Variants in AGRN observed in about 807,000 individuals in gnomAD.
AGRN encodes agrin, also known as agrin proteoglycan.
A neutral mutation model predicts 211.0 loss-of-function variants in AGRN; 106 were observed. The observed-to-expected ratio is 0.50, with a 90% CI of 0.43 to 0.59. The LOEUF is 0.59. Ranked by LOEUF, AGRN falls within the 20% of genes least tolerant of loss-of-function variation. AGRN has a pLI of 0.00. For missense variants in AGRN, 3,040 were observed against 2,982.6 expected (o/e 1.02, Z -0.45); for synonymous variants, 1,525 against 1,332.5 (o/e 1.14, Z -3.15).
In AGRN at chr1:1,043,715, C is replaced by A. The variant is rs751566415; in HGVS notation, c.1781C>A (p.Ala594Asp). 6.2e-7 allele frequency: 1 copy of A among 1,600,782 alleles called. No homozygotes were observed. The highest frequency in any genetic ancestry group is 1.3e-5 in the African/African-American group (1 of 74,920). The change falls in exon 9 of 36, where the codon GCC becomes GAC. Residue 594 changes from alanine to aspartate, a missense_variant. By Grantham distance (126) the Ala-to-Asp change is moderately radical. Around this residue, in one of 3 missense-constraint regions of AGRN, gnomAD observed 1,498 missense variants for 1,457.8 expected, o/e 1.03. Transcript: ENST00000379370. ...ACACACCAGATCAGCCTGCACGTGG[C>A]CTCAGCTGGACCCTGTGGTGAGTGA... ...ACTHQISLHVASAGPCETCGD... is the reference protein window; with the variant it reads ...ACTHQISLHVDSAGPCETCGD...
chr1:1,048,767 C>CAA lies in AGRN; in HGVS notation c.4106-79_4106-78dup, dbSNP rs57668569. ...GGGCAAAAAGAGCAAAACTCCGTCTCAAAAAAAAAAAAAAAAAAAAAAGCA... is the reference window on the plus strand; with the variant it reads ...GGGCAAAAAGAGCAAAACTCCGTCTCAAAAAAAAAAAAAAAAAAAAAAAAGCA... On this transcript the variant is annotated intron_variant, in intron 23 of 35. Transcript: ENST00000379370. This position sits in a 1 kb window ranked among gnomAD's most constrained non-coding sequence, Gnocchi z 5.9. 3.1e-3 allele frequency: 3,284 copies of CAA among 1,072,678 alleles called. No individual in the cohort carries two copies. The highest frequency in any genetic ancestry group is 4.6e-3 in the South Asian group (261 of 56,824). The allele number at this position is 1,072,678 out of a possible 1,614,324, so 66.4% of individuals were successfully genotyped here. A position where few individuals can be genotyped will look rare whatever the true frequency, so the allele number is the denominator to read the frequency against.
At position 1,048,484 on chromosome 1, in the gene AGRN, G is replaced by A; in HGVS notation, c.4105+119G>A. Reference sequence around the variant, plus strand: ...GGGCAGGAGCCCGGATTAAGGCGGGGTTTCGGCCAGATGCGGTGGCTCACG... The same window carrying A: ...GGGCAGGAGCCCGGATTAAGGCGGGATTTCGGCCAGATGCGGTGGCTCACG... On this transcript the variant is annotated intron_variant, in intron 23 of 35. Transcript: ENST00000379370. The surrounding 1 kb of genome is among the most constrained non-coding windows in gnomAD (Gnocchi z 5.9). The A allele has an allele frequency of 1.1e-6, 1 of 917,556 alleles. No individual in the cohort carries two copies. Among genetic ancestry groups the A allele is most frequent in the Admixed American group, 3.0e-5 (1 of 32,932 alleles). The allele number at this position is 917,556 out of a possible 1,614,324, so 56.8% of individuals were successfully genotyped here. A position where few individuals can be genotyped will look rare whatever the true frequency, so the allele number is the denominator to read the frequency against.
Position 1,049,902 on chromosome 1 carries a change from G to C in AGRN, c.4745-1G>C, listed in dbSNP as rs1201172279. On this transcript the variant is annotated splice_acceptor_variant, in intron 26 of 35. Transcript: ENST00000379370. LOFTEE classifies it high-confidence loss of function. ...TCCCGGTCCCGTCTTCCTCCATCCA[G>C]GACCAACCTGTGCCGATGAGAAGAG... 1.9e-6 allele frequency: 3 copies of C among 1,610,946 alleles called. No homozygotes were observed. Among genetic ancestry groups the C allele is most frequent in the Non-Finnish European group, 2.5e-6 (3 of 1,179,368 alleles).
chr1:1,054,672 C>T lies in AGRN; in HGVS notation c.5980+121C>T, dbSNP rs1319119315. 10 of 1,484,988 alleles carry T rather than the reference C, an allele frequency of 6.7e-6. No homozygotes were observed. The African/African-American group carries it at 1.1e-4, about 17-fold the overall frequency. 92.0% of individuals were successfully genotyped at this position (1,484,988 alleles called of 1,614,324 possible). Reference sequence around the variant, plus strand: ...TGCATGTGAGCCGGCGGGCTGGGCTCTCTTCTCCCGCTGTAGCCCCTGCAG... The same window carrying T: ...TGCATGTGAGCCGGCGGGCTGGGCTTTCTTCTCCCGCTGTAGCCCCTGCAG... On this transcript the variant is annotated intron_variant, in intron 35 of 35. Coordinates refer to ENST00000379370, the MANE Select transcript of AGRN (RefSeq NM_198576.4).
At chr1:1,024,969 C>T (rs1644487938) in intron 2 of AGRN, among the ~76,000 whole-genome samples, 1 of 152,134 alleles carries the variant, frequency 6.6e-6, no homozygotes, top group Admixed American at 6.5e-5. Context: ...GGCGGCTGAG[C>T]GGGCGACTCC....
intron 30 of AGRN, 38 bp downstream of exon 30, chr1:1,050,875 C>A (rs1645265036): frequency 1.3e-6 from 2 of 1,527,282 alleles, no homozygotes; most frequent in East Asian, 4.9e-5. Flanking sequence ...CCCGCTGCTG[C>A]CTGCTCTTCC....
At chr1:1,054,691 C>T (rs1374488375) in intron 35 of AGRN, 133 bp from the exon 36 acceptor site, 1 of 1,483,442 alleles carries the variant, frequency 6.7e-7, no homozygotes, top group South Asian at 1.2e-5. Context: ...CGCTGTAGCC[C>T]CTGCAGTTCC....
chr1:1,030,301 A>G (rs111163129), intron 2 of AGRN, among the ~76,000 whole-genome samples: 139 of 28,474 alleles, frequency 4.9e-3, no homozygotes, highest in African/African-American at 7.9e-3. Flanking sequence ...TGAGATCAGC[A>G]TGTGTGTGTG....
At position 1,043,399 on chromosome 1, in the gene AGRN, G is replaced by A; in HGVS notation, c.1545G>A (p.Leu515=). 6.2e-7 allele frequency: 1 copy of A among 1,608,324 alleles called. No homozygotes were observed. The highest frequency in any genetic ancestry group is 1.1e-5 in the South Asian group (1 of 90,492). The change falls in exon 8 of 36, where the codon CTG becomes CTA. Residue 515 remains leucine, a synonymous_variant. Coordinates refer to ENST00000379370, the MANE Select transcript of AGRN (RefSeq NM_198576.4). ...TCACATACGGCAGCGCGTGCGAGCTGGAGGCCACGGCCTGTACCCTCGGGC... is the reference window on the plus strand; with the variant it reads ...TCACATACGGCAGCGCGTGCGAGCTAGAGGCCACGGCCTGTACCCTCGGGC... The part of the protein sequence containing the change: ...DGVTYGSACE[L]EATACTLGRE...
chr1:1,035,603 G>C (rs1644785693), intron 3 of AGRN, among the ~76,000 whole-genome samples: 1 of 152,258 alleles, frequency 6.6e-6, no homozygotes, highest in African/African-American at 2.4e-5. Flanking sequence ...GGACCCACAG[G>C]TTGTGAGGTG....
intron 2 of AGRN, among the ~76,000 whole-genome samples, chr1:1,026,519 G>C (rs1176631088): frequency 6.6e-6 from 1 of 152,174 alleles, no homozygotes; most frequent in Non-Finnish European, 1.5e-5. Flanking sequence ...ATCACTGCAG[G>C]AGGGTGGAAA....
rs767509935 is a variant in AGRN at position 1,047,316 on chromosome 1, C to T, written c.3389-11C>T. The T allele has an allele frequency of 4.4e-6, 7 of 1,593,990 alleles. No homozygotes were observed. Among genetic ancestry groups the T allele is most frequent in the Non-Finnish European group, 6.0e-6 (7 of 1,171,128 alleles). On this transcript the variant is annotated splice_polypyrimidine_tract_variant and intron_variant, in intron 19 of 35. Coordinates refer to ENST00000379370, the MANE Select transcript of AGRN (RefSeq NM_198576.4). ...GATGCCAGGCAGGGCCTCACTGTACCTCCCCCACAGCCACCAAGGTGTTCC... is the reference window on the plus strand; with the variant it reads ...GATGCCAGGCAGGGCCTCACTGTACTTCCCCCACAGCCACCAAGGTGTTCC...
Position 1,047,039 on chromosome 1 carries a change from C to T in AGRN, c.3388+82C>T, listed in dbSNP as rs115112462. ...CTGCCCCCTCGCCTGGGCAGCAGGT[C>T]AGTGCCGGGGGTTATGGTCTTGGGA... On this transcript the variant is annotated intron_variant, in intron 19 of 35. Transcript: ENST00000379370. 5.9e-3 allele frequency: 9,113 copies of T among 1,540,352 alleles called. 30 individuals are homozygous for T. Among genetic ancestry groups the T allele is most frequent in the African/African-American group, 9.4e-3 (688 of 72,962 alleles).
intron 2 of AGRN, among the ~76,000 whole-genome samples, chr1:1,026,220 G>A (rs1313060807): frequency 6.6e-6 from 1 of 152,140 alleles, no homozygotes; most frequent in Admixed American, 6.5e-5. Context: ...AACTGGGCTC[G>A]CTCCCGCTTG....
rs151211164 is a variant in AGRN, at chr1:1,045,868, G to C, written c.2672G>C (p.Cys891Ser). The C allele has an allele frequency of 6.2e-7, 1 of 1,610,800 alleles. No homozygotes were observed. The highest frequency in any genetic ancestry group is 1.3e-5 in the African/African-American group (1 of 75,046). Residue 891 changes from cysteine (C) to serine (S), a missense_variant, in exon 15 of 36, where the codon TGT (cysteine) becomes TCT (serine). By Grantham distance (112) the Cys-to-Ser change is moderately radical (BLOSUM62 -1). Coordinates refer to ENST00000379370, the MANE Select transcript of AGRN (RefSeq NM_198576.4). ...PDGRALGPAG[C>S]EADASAPATC... is the part of the protein sequence containing the mutation. The stretch of plus-strand genomic sequence containing the variant: ...GGCCGTGCCCTGGGCCCCGCGGGCT[G>C]TGAAGCTGGTGAGTGAGGGCCAGCG...
chr1:1,044,872 T>C (rs528130033), intron 12 of AGRN, among the ~76,000 whole-genome samples: 1 of 152,310 alleles, frequency 6.6e-6, no homozygotes, highest in South Asian at 2.1e-4. Context: ...CAGATGTCTG[T>C]TTCTCGATTT....
chr1:1,022,587 T>TTGTAGTCTGACCTGTGGTCTGAC (rs6143083), intron 2 of AGRN, 125 bp downstream of exon 2: 1,034,392 of 1,060,386 alleles, frequency 0.98, 507,156 homozygotes, highest in Non-Finnish European at 1. Context: ...ACACGGTGTC[T>TTGTAGTCTGACCTGTGGTCTGAC]TGTGGTCCAA....
Position 1,046,385 on chromosome 1 carries a change from C to T in AGRN, c.2912-12C>T, listed in dbSNP as rs1347795756. On this transcript the variant is annotated splice_polypyrimidine_tract_variant and intron_variant, in intron 17 of 35. Transcript: ENST00000379370. Reference sequence around the variant, plus strand: ...CCAACCGGTCCCCCCGCCAACCTCCCTCTCCTTGCAGAGGCTGTTGCTCCC... The same window carrying T: ...CCAACCGGTCCCCCCGCCAACCTCCTTCTCCTTGCAGAGGCTGTTGCTCCC... 2 of 1,610,510 alleles carry T rather than the reference C, an allele frequency of 1.2e-6. No homozygotes were observed. The highest frequency in any genetic ancestry group is 1.7e-6 in the Non-Finnish European group (2 of 1,178,660).
intron 27 of AGRN, 87 bp from the exon 28 acceptor site, chr1:1,050,146 G>A (rs1370308983): frequency 1.3e-6 from 2 of 1,596,376 alleles, no homozygotes. Context: ...TCTAGTCTGG[G>A]TTTTGAGTTA....
Sources: allele counts gnomAD v4.1 joint callset (sites outside exome capture counted in the v4.1 genomes callset), GRCh38; gene constraint gnomAD v4.1.1; regional missense constraint gnomAD v4.1.1; non-coding constraint Gnocchi (gnomAD v3.1); transcripts MANE v1.5; gene names NCBI Gene and HGNC (gene_info 2026-07-23, HGNC 2026-07-21).